The following TEKT5 variants were observed in gnomAD, a reference collection of about 807,000 sequenced individuals.
The protein encoded by TEKT5 is tektin-5.
Under a neutral mutation model 48.7 loss-of-function variants are expected in TEKT5, and 52 were observed. The observed-to-expected ratio is 1.07, with a 90% CI of 0.86 to 1.35. The LOEUF (loss-of-function observed/expected upper bound fraction) is 1.35. Among genes scored for constraint, TEKT5 ranks in the 40% most tolerant of loss-of-function variants. TEKT5 has a pLI of 0.00. For synonymous variants in TEKT5, 318 were observed against 267.6 expected, an observed-to-expected ratio of 1.19 and a Z score of -1.84; for missense variants, 831 against 641.6, an observed-to-expected ratio of 1.30 and a Z score of -3.19.
At chr16:10,673,230 T>C (rs1374722088) in intron 5 of TEKT5, among the ~76,000 whole-genome samples, 1 of 152,162 alleles carries the variant, frequency 6.6e-6, no homozygotes, top group Non-Finnish European at 1.5e-5. Flanking sequence ...GAAGCGACTT[T>C]TGAGCTAAGT....
intron 5 of TEKT5, among the ~76,000 whole-genome samples, chr16:10,657,029 G>A (rs1898273618): frequency 6.6e-6 from 1 of 151,988 alleles, no homozygotes; most frequent in Non-Finnish European, 1.5e-5. Context: ...ATGAGGCATT[G>A]CACCCAGCCT....
intron 3 of TEKT5, among the ~76,000 whole-genome samples, chr16:10,687,366 TA>T (rs1468335321): frequency 6.6e-6 from 1 of 152,100 alleles, no homozygotes; most frequent in Non-Finnish European, 1.5e-5. Flanking sequence ...AATAAGTAAT[TA>T]AAAAAATAAG....
At chr16:10,634,789 G>A (rs1252290950) in intron 6 of TEKT5, among the ~76,000 whole-genome samples, 1 of 152,132 alleles carries the variant, frequency 6.6e-6, no homozygotes, top group Non-Finnish European at 1.5e-5. Flanking sequence ...CCAGCCAACA[G>A]CCAGCAAAGA....
chr16:10,675,056 C>T (rs1468843381), intron 5 of TEKT5, among the ~76,000 whole-genome samples: 2 of 151,996 alleles, frequency 1.3e-5, no homozygotes, highest in South Asian at 2.1e-4. Context: ...AAATTCCTGG[C>T]CTCAAATGAT....
intron 4 of TEKT5, 127 bp from the exon 5 acceptor site, chr16:10,676,308 G>A: frequency 1.1e-6 from 1 of 910,030 alleles, no homozygotes; most frequent in Non-Finnish European, 1.7e-6. Context: ...GGGTGCTTGG[G>A]ATGTTTAAGC....
At chr16:10,679,723 C>T (rs1162471660) in intron 4 of TEKT5, among the ~76,000 whole-genome samples, 2 of 151,686 alleles carry the variant, frequency 1.3e-5, no homozygotes, top group African/African-American at 4.8e-5. Flanking sequence ...GCAGAAACCC[C>T]ATCTCTATTA....
intron 6 of TEKT5, among the ~76,000 whole-genome samples, chr16:10,634,214 C>T (rs916774438): frequency 6.6e-6 from 1 of 152,118 alleles, no homozygotes; most frequent in African/African-American, 2.4e-5. Flanking sequence ...CTTCCCAACT[C>T]CCCTAGGAGT....
Position 10,638,893 on chromosome 16 carries a change from A to G in TEKT5, c.1087-2975T>C, listed in dbSNP as rs747740861. Among the ~76,000 whole-genome samples, 55 of 152,372 alleles carry G rather than the reference A, an allele frequency of 3.6e-4. 1 individual carries two copies. The highest frequency in any genetic ancestry group is 5.7e-4 in the Non-Finnish European group (39 of 68,038). ...ACTATGATGTAAAACAAAAAGTACT[A>G]TCTGCAAGTGATGGGGGTAATTAAT... is the stretch of plus-strand genomic sequence containing the variant. On this transcript the variant is annotated intron_variant, in intron 5 of 6. Coordinates refer to ENST00000283025, the MANE Select transcript of TEKT5 (RefSeq NM_144674.2).
In TEKT5 at chr16:10,689,336, A is replaced by G. The variant is rs1385908976; in HGVS notation, c.649-13T>C. ...GCAAATCCACTTCCTGAAATGAAAAATGTCAGAAAGAGCAGTGCCTCTTAG... is the reference window on the plus strand; with the variant it reads ...GCAAATCCACTTCCTGAAATGAAAAGTGTCAGAAAGAGCAGTGCCTCTTAG... On this transcript the variant is annotated splice_polypyrimidine_tract_variant and intron_variant, in intron 2 of 6. Transcript: ENST00000283025. 14 of 1,611,190 alleles carry G rather than the reference A, an allele frequency of 8.7e-6. No homozygotes were observed. The highest frequency in any genetic ancestry group is 1.2e-5 in the Non-Finnish European group (14 of 1,178,172).
chr16:10,661,242 AG>A (rs1898365308), intron 5 of TEKT5, among the ~76,000 whole-genome samples: 1 of 152,132 alleles, frequency 6.6e-6, no homozygotes, highest in Non-Finnish European at 1.5e-5. Context: ...AAACTATTCC[AG>A]GGGAAATCAC....
At chr16:10,634,979 A>AT (rs1399767569) in intron 6 of TEKT5, among the ~76,000 whole-genome samples, 1 of 152,146 alleles carries the variant, frequency 6.6e-6, no homozygotes, top group Non-Finnish European at 1.5e-5. Flanking sequence ...GAGATAACAA[A>AT]TGTGGTTCTT....
Position 10,631,551 on chromosome 16 carries a change from C to T in TEKT5, c.1242-3752G>A, listed in dbSNP as rs190356561. On this transcript the variant is annotated intron_variant, in intron 6 of 6. Coordinates refer to ENST00000283025, the MANE Select transcript of TEKT5 (RefSeq NM_144674.2). ...TATGTTCAAGTCCTAAGCCCTGGTG[C>T]GTGTAATGTTATTAGGAAATAGGGT... Among the ~76,000 whole-genome samples the T allele has an allele frequency of 1.3e-3, 202 of 151,922 alleles. 1 individual carries two copies. The highest frequency in any genetic ancestry group is 4.7e-3 in the African/African-American group (193 of 41,402).
intron 5 of TEKT5, among the ~76,000 whole-genome samples, chr16:10,656,373 T>G (rs1898262565): frequency 6.6e-6 from 1 of 152,204 alleles, no homozygotes; most frequent in Non-Finnish European, 1.5e-5. Context: ...CACCTCAGCC[T>G]CCTGAGTACC....
intron 5 of TEKT5, among the ~76,000 whole-genome samples, chr16:10,648,751 C>G (rs1596404687): frequency 6.6e-6 from 1 of 152,322 alleles, no homozygotes; most frequent in East Asian, 1.9e-4. Context: ...ATCTTTGTCT[C>G]TCTAGCCCTT....
Position 10,635,896 on chromosome 16 carries a change from G to A in TEKT5, c.1109C>T (p.Ala370Val). The change falls in exon 6 of 7, where the codon GCC becomes GTC. Residue 370 changes from alanine (A) to valine (V), a missense_variant. By Grantham distance (64) the Ala-to-Val change is moderately conservative. Coordinates refer to ENST00000283025, the MANE Select transcript of TEKT5 (RefSeq NM_144674.2). ...LAKTLQEIFQ[A>V]ENTIMLLERS... ...TTCCAGCAGCATGATGGTGTTCTCG[G>A]CCTGGAAGATCTCCTGCAGCGTCTG... is the stretch of plus-strand genomic sequence containing the variant. 1 of 1,613,958 alleles carries A rather than the reference G, an allele frequency of 6.2e-7. No individual in the cohort carries two copies. Among genetic ancestry groups the A allele is most frequent in the Non-Finnish European group, 8.5e-7 (1 of 1,180,036 alleles).
chr16:10,690,122 T>A, intron 1 of TEKT5, 97 bp from the exon 2 acceptor site: 1 of 1,346,452 alleles, frequency 7.4e-7, no homozygotes, highest in South Asian at 1.2e-5. Flanking sequence ...ATCTGTTCCT[T>A]TCTCCCGGAA....
chr16:10,674,524 A>G (rs1364979818), intron 5 of TEKT5, among the ~76,000 whole-genome samples: 1 of 144,702 alleles, frequency 6.9e-6, no homozygotes, highest in South Asian at 2.3e-4. Flanking sequence ...AGTCTCAGCT[A>G]CTTGGGTCGC....
intron 2 of TEKT5, 97 bp from the exon 3 acceptor site, chr16:10,689,420 ACC>A: frequency 9.9e-7 from 1 of 1,009,846 alleles, no homozygotes; most frequent in Non-Finnish European, 1.5e-6. Flanking sequence ...CCTCTCACTG[ACC>A]ACCCTCGACC....
intron 5 of TEKT5, among the ~76,000 whole-genome samples, chr16:10,661,541 A>C (rs1325519009): frequency 6.6e-6 from 1 of 152,254 alleles, no homozygotes; most frequent in Non-Finnish European, 1.5e-5. Context: ...CATTTGGAGG[A>C]TAGACAGAGG....
Sources: gnomAD v4.1 joint callset for allele counts (sites outside exome capture counted in the v4.1 genomes callset) on GRCh38, gnomAD v4.1.1 for gene constraint, MANE v1.5 for transcripts, NCBI Gene and HGNC (gene_info 2026-07-23, HGNC 2026-07-21) for gene names.